QKI: variants seen among roughly 807,000 people sequenced by gnomAD.
QKI encodes the protein QKI, KH domain containing RNA binding.
QKI carries 10 observed loss-of-function variants against 39.0 expected under a neutral mutation model. The ratio of observed to expected loss-of-function variants is 0.26; its 90% CI spans 0.16 to 0.43. The LOEUF (loss-of-function observed/expected upper bound fraction) is 0.43, where lower values mean the gene tolerates loss of function less well. Among genes scored for constraint, QKI ranks in the 20% least tolerant of loss-of-function variants. The pLI is 1.00. For missense variants in QKI, 218 were observed against 428.0 expected (o/e 0.51, Z 4.33); for synonymous variants, 204 against 155.4 (o/e 1.31, Z -2.33).
intron 1 of QKI, among the ~76,000 whole-genome samples, chr6:163,446,667 C>T (rs144404979): frequency 2.0e-5 from 3 of 152,118 alleles, no homozygotes; most frequent in East Asian, 1.9e-4. Context: ...TAAATATTAA[C>T]GTGTAAAAGT....
At position 163,519,418 on chromosome 6, in the gene QKI, AGAGT is replaced by A. The variant is rs149195518; in HGVS notation, c.403-15562_403-15559del. Among the ~76,000 whole-genome samples the A allele has an allele frequency of 4.9e-4, 75 of 152,150 alleles. No individual in the cohort carries two copies. The East Asian group carries it at 0.013, about 27-fold the overall frequency. On this transcript the variant is annotated intron_variant, in intron 3 of 7. Coordinates refer to ENST00000361752, the MANE Select transcript of QKI (RefSeq NM_006775.3). The stretch of plus-strand genomic sequence containing the variant: ...GCCAGATTTCCTGTGGGCCTTAAAA[AGAGT>A]GGGTGTGATGATATTTTTATGTGGC...
intron 3 of QKI, among the ~76,000 whole-genome samples, chr6:163,509,143 G>A (rs7751779): frequency 0.83 from 126,023 of 151,622 alleles, 52,795 homozygotes; most frequent in East Asian, 1. Flanking sequence ...GTCTCAGTCA[G>A]TCAGTCAATC....
chr6:163,492,824 A>G (rs939579109), intron 3 of QKI, among the ~76,000 whole-genome samples: 5 of 152,198 alleles, frequency 3.3e-5, no homozygotes, highest in African/African-American at 9.6e-5. Flanking sequence ...AATATTATCA[A>G]GTGTTACAAC....
intron 1 of QKI, among the ~76,000 whole-genome samples, chr6:163,435,140 C>CA (rs1415832160): frequency 1.3e-5 from 2 of 152,090 alleles, no homozygotes; most frequent in South Asian, 2.1e-4. Context: ...GCATATTATC[C>CA]AAAAAACATA....
intron 4 of QKI, among the ~76,000 whole-genome samples, chr6:163,543,582 A>G (rs1310853293): frequency 2.6e-5 from 4 of 152,074 alleles, no homozygotes; most frequent in Admixed American, 2.6e-4. Flanking sequence ...GAATTTTCAA[A>G]TGTGAGAGGC....
intron 2 of QKI, among the ~76,000 whole-genome samples, chr6:163,459,266 T>C (rs1194227595): frequency 6.6e-6 from 1 of 152,228 alleles, no homozygotes; most frequent in East Asian, 1.9e-4. Context: ...CTTGTTGCTT[T>C]CCATTAGCCC....
intron 3 of QKI, among the ~76,000 whole-genome samples, chr6:163,487,909 T>C (rs73784423): frequency 0.02 from 3,085 of 152,246 alleles, 104 homozygotes; most frequent in African/African-American, 0.07. Context: ...GCAGAATAGC[T>C]ATATTCTGTT....
chr6:163,479,384 A>G (rs1397997632), intron 3 of QKI, among the ~76,000 whole-genome samples: 1 of 152,040 alleles, frequency 6.6e-6, no homozygotes, highest in Admixed American at 6.5e-5. Context: ...TTTGTTTGTT[A>G]TTTTTGAGAC....
At chr6:163,545,755 A>G (rs1781823286) in intron 4 of QKI, among the ~76,000 whole-genome samples, 1 of 151,982 alleles carries the variant, frequency 6.6e-6, no homozygotes, top group African/African-American at 2.4e-5. Context: ...AGGTTTAGAC[A>G]TCTTGTAATT....
At chr6:163,541,402 TAAAAG>T (rs1165270924) in intron 4 of QKI, among the ~76,000 whole-genome samples, 1 of 152,042 alleles carries the variant, frequency 6.6e-6, no homozygotes, top group Non-Finnish European at 1.5e-5. Flanking sequence ...CACATACACT[TAAAAG>T]AATGTGAATT....
intron 1 of QKI, among the ~76,000 whole-genome samples, chr6:163,443,622 C>T (rs139670528): frequency 6.6e-6 from 1 of 152,218 alleles, no homozygotes; most frequent in African/African-American, 2.4e-5. Context: ...AGAGAATTCT[C>T]TTGCAACACC....
At position 163,415,143 on chromosome 6, in the gene QKI, C is replaced by G. The variant is rs1379303137; in HGVS notation, c.-51C>G. The G allele has an allele frequency of 1.8e-5, 25 of 1,357,070 alleles. No homozygotes were observed. Among genetic ancestry groups the G allele is most frequent in the South Asian group, 4.2e-5 (3 of 72,262 alleles). The allele number at this position is 1,357,070 out of a possible 1,614,324, so 84.1% of individuals were successfully genotyped here. ...GCTCGCCCCCGCCCCTCCCTCCTCTCCGGCGGCGGCGGCGGCGGCGGCGGG... is the reference window on the plus strand; with the variant it reads ...GCTCGCCCCCGCCCCTCCCTCCTCTGCGGCGGCGGCGGCGGCGGCGGCGGG... On this transcript the variant is annotated 5_prime_UTR_variant, in exon 1 of 8. Transcript: ENST00000361752.
rs990566517 is a variant in QKI at position 163,570,133 on chromosome 6, T to C, written c.1010-561T>C. The C allele has an allele frequency of 1.4e-5, 14 of 985,920 alleles. No individual in the cohort carries two copies. In the African/African-American group the frequency reaches 2.3e-4, roughly 16 times the overall value. 61.1% of individuals were successfully genotyped at this position (985,920 alleles called of 1,614,324 possible). On this transcript the variant is annotated intron_variant, in intron 7 of 7. Transcript: ENST00000361752. ...AATTGAAAAAGCAATAAACATTTAT[T>C]GAACAAAAGAAACCTTGTTTGGCCC...
chr6:163,428,766 G>C (rs1047834027), intron 1 of QKI, among the ~76,000 whole-genome samples: 1 of 138,988 alleles, frequency 7.2e-6, no homozygotes, highest in African/African-American at 2.7e-5. Context: ...TTTTTAAACT[G>C]TCAAGGCAAT....
chr6:163,478,643 G>A (rs1446163777), intron 2 of QKI, 137 bp from the exon 3 acceptor site: 1 of 614,288 alleles, frequency 1.6e-6, no homozygotes. Flanking sequence ...AATTCATAAG[G>A]GCTCTAGATT....
At chr6:163,528,328 G>A (rs899506920) in intron 3 of QKI, among the ~76,000 whole-genome samples, 11 of 152,056 alleles carry the variant, frequency 7.2e-5, no homozygotes, top group African/African-American at 2.7e-4. Context: ...TCTGTGTTCC[G>A]TTTCTGGTTT....
intron 3 of QKI, among the ~76,000 whole-genome samples, chr6:163,485,090 T>C (rs906414043): frequency 6.6e-6 from 1 of 152,242 alleles, no homozygotes; most frequent in Non-Finnish European, 1.5e-5. Context: ...TATCATACTA[T>C]CATTCCTTTG....
rs567617699 is a variant in QKI at position 163,421,905 on chromosome 6, C to T, written c.142+6570C>T. Reference sequence around the variant, plus strand: ...GATTACAGGCGCCCGCCACCACGCCCGGCTAATTTTTGTATTTTTAGTAGA... The same window carrying T: ...GATTACAGGCGCCCGCCACCACGCCTGGCTAATTTTTGTATTTTTAGTAGA... On this transcript the variant is annotated intron_variant, in intron 1 of 7. Coordinates refer to ENST00000361752, the MANE Select transcript of QKI (RefSeq NM_006775.3). Among the ~76,000 whole-genome samples the T allele has an allele frequency of 4.6e-4, 70 of 152,012 alleles. No individual in the cohort carries two copies. The South Asian group carries it at 7.5e-3, about 16-fold the overall frequency.
At chr6:163,456,803 T>C (rs189468366) in intron 2 of QKI, among the ~76,000 whole-genome samples, 10 of 152,130 alleles carry the variant, frequency 6.6e-5, no homozygotes, top group Non-Finnish European at 8.8e-5. Context: ...CAAAGTGCCA[T>C]GTTAGGCTAG....
Sources: allele counts gnomAD v4.1 joint callset (sites outside exome capture counted in the v4.1 genomes callset), GRCh38; gene constraint gnomAD v4.1.1; transcripts MANE v1.5; gene names NCBI Gene and HGNC (gene_info 2026-07-23, HGNC 2026-07-21).